The following SLC16A10 variants were observed in gnomAD, a reference collection of about 807,000 sequenced individuals.
SLC16A10 encodes solute carrier family 16 member 10, also known as monocarboxylate transporter 10.
SLC16A10 carries 27 observed loss-of-function variants against 40.0 expected under a neutral mutation model. The ratio of observed to expected loss-of-function variants is 0.67; its 90% confidence interval spans 0.50 to 0.93. SLC16A10 has a LOEUF of 0.93. Ranked by LOEUF, SLC16A10 falls within the 40% of genes least tolerant of loss-of-function variation. The pLI, the probability that SLC16A10 is intolerant of heterozygous loss-of-function variation, is 0.00. For missense variants in SLC16A10, 529 were observed against 658.2 expected (o/e 0.80, Z 2.15); for synonymous variants, 213 against 249.8 (o/e 0.85, Z 1.39).
rs1198167895 is a variant in SLC16A10 at position 111,197,016 on chromosome 6, A to G, written c.943-9576A>G. Among the ~76,000 whole-genome samples the G allele has an allele frequency of 3.3e-5, 5 of 152,334 alleles. No individual in the cohort carries two copies. In the East Asian group the frequency reaches 9.6e-4, roughly 29 times the overall value. On this transcript the variant is annotated intron_variant, in intron 3 of 5. Transcript: ENST00000368851. ...ATAAGAAAAGGAGCAGTTGGGATAG[A>G]CAATATCAGAAGTATGTGGAAATGA...
intron 1 of SLC16A10, among the ~76,000 whole-genome samples, chr6:111,115,790 C>G (rs950637193): frequency 6.8e-6 from 1 of 147,096 alleles, no homozygotes; most frequent in Non-Finnish European, 1.5e-5. Flanking sequence ...AGCTAACAAA[C>G]TTTTTTTTTT....
intron 3 of SLC16A10, among the ~76,000 whole-genome samples, chr6:111,183,172 G>A (rs1339004831): frequency 2.0e-5 from 3 of 152,058 alleles, no homozygotes; most frequent in East Asian, 3.8e-4. Context: ...AGCTTCCATC[G>A]CTGTCCCTTG....
intron 3 of SLC16A10, among the ~76,000 whole-genome samples, chr6:111,182,541 G>A (rs1438599203): frequency 6.6e-6 from 1 of 151,704 alleles, no homozygotes; most frequent in Non-Finnish European, 1.5e-5. Flanking sequence ...AGTCTCCTAA[G>A]TTCATACATC....
chr6:111,146,585 A>G (rs1219295160), intron 1 of SLC16A10, among the ~76,000 whole-genome samples: 1 of 150,986 alleles, frequency 6.6e-6, no homozygotes, highest in Non-Finnish European at 1.5e-5. Context: ...AAATACAAAA[A>G]ATTAGCTGGG....
At chr6:111,181,788 A>T (rs1333078827) in intron 3 of SLC16A10, among the ~76,000 whole-genome samples, 2 of 152,190 alleles carry the variant, frequency 1.3e-5, no homozygotes, top group African/African-American at 2.4e-5. Context: ...GCCTCCTCGA[A>T]GCTAAATTTA....
chr6:111,088,383 A>T (rs149048994), intron 1 of SLC16A10, among the ~76,000 whole-genome samples: 7 of 152,356 alleles, frequency 4.6e-5, no homozygotes, highest in African/African-American at 1.4e-4. Context: ...GCAGACGCTA[A>T]CAGTCCACAG....
intron 1 of SLC16A10, among the ~76,000 whole-genome samples, chr6:111,129,157 A>T (rs902289394): frequency 1.3e-5 from 2 of 152,248 alleles, no homozygotes; most frequent in African/African-American, 4.8e-5. Flanking sequence ...GATTGGAATG[A>T]TGCCTACCAG....
chr6:111,129,595 GT>G (rs1364456638), intron 1 of SLC16A10, among the ~76,000 whole-genome samples: 1 of 152,166 alleles, frequency 6.6e-6, no homozygotes, highest in Non-Finnish European at 1.5e-5. Context: ...ACTCAAAGTG[GT>G]TTTTAAGTTT....
chr6:111,203,509 T>A (rs1773205156), intron 3 of SLC16A10, among the ~76,000 whole-genome samples: 1 of 151,894 alleles, frequency 6.6e-6, no homozygotes, highest in African/African-American at 2.4e-5. Flanking sequence ...TCACTTGAGG[T>A]CAGGAGTTTT....
At chr6:111,115,181 T>C (rs1771463150) in intron 1 of SLC16A10, among the ~76,000 whole-genome samples, 1 of 152,138 alleles carries the variant, frequency 6.6e-6, no homozygotes, top group African/African-American at 2.4e-5. Flanking sequence ...GTATCATGTA[T>C]TATCTTAGTA....
chr6:111,118,885 G>T (rs558040062), intron 1 of SLC16A10, among the ~76,000 whole-genome samples: 2 of 152,110 alleles, frequency 1.3e-5, no homozygotes, highest in Non-Finnish European at 2.9e-5. Context: ...AGAAGATTTT[G>T]CAGGATCCTC....
In SLC16A10 at chr6:111,230,756, A is replaced by G. The variant is rs891449970; in HGVS notation, c.*8521A>G. 1.3e-5 allele frequency: 2 copies of G among 152,218 alleles called. No individual in the cohort carries two copies. Among genetic ancestry groups the G allele is most frequent in the African/African-American group, 2.4e-5 (1 of 41,454 alleles). The allele number at this position is 152,218 out of a possible 1,614,324, so 9.4% of individuals were successfully genotyped here. On this transcript the variant is annotated 3_prime_UTR_variant, in exon 6 of 6. Coordinates refer to ENST00000368851, the MANE Select transcript of SLC16A10 (RefSeq NM_018593.5). Reference sequence around the variant, plus strand: ...CTCCTAGTATAATATGACATTGTTCATGTGGACTTATTTTAATGTTTATTT... The same window carrying G: ...CTCCTAGTATAATATGACATTGTTCGTGTGGACTTATTTTAATGTTTATTT...
rs761589705 is a variant in SLC16A10 at position 111,087,529 on chromosome 6, G to A, written c.-224G>A. 7 of 196,202 alleles carry A rather than the reference G, an allele frequency of 3.6e-5. No homozygotes were observed. The highest frequency in any genetic ancestry group is 6.1e-5 in the Non-Finnish European group (6 of 98,102). The allele number at this position is 196,202 out of a possible 1,614,324, so 12.2% of individuals were successfully genotyped here. A position where few individuals can be genotyped will look rare whatever the true frequency, so the allele number is the denominator to read the frequency against. On this transcript the variant is annotated 5_prime_UTR_variant, in exon 1 of 6. Coordinates refer to ENST00000368851, the MANE Select transcript of SLC16A10 (RefSeq NM_018593.5). ...GTCGGGGGTGCGGGGCTGTGACCTAGAGGCTTCAGTGTCGATCCCCGAGGT... is the reference window on the plus strand; with the variant it reads ...GTCGGGGGTGCGGGGCTGTGACCTAAAGGCTTCAGTGTCGATCCCCGAGGT...
At position 111,221,988 on chromosome 6, in the gene SLC16A10, T is replaced by G. The variant is rs1245720839; in HGVS notation, c.1316-15T>G. 1 of 1,592,920 alleles carries G rather than the reference T, an allele frequency of 6.3e-7. No individual in the cohort carries two copies. Among genetic ancestry groups the G allele is most frequent in the Non-Finnish European group, 8.5e-7 (1 of 1,174,102 alleles). On this transcript the variant is annotated splice_polypyrimidine_tract_variant and intron_variant, in intron 5 of 5. Coordinates refer to ENST00000368851, the MANE Select transcript of SLC16A10 (RefSeq NM_018593.5). The stretch of plus-strand genomic sequence containing the variant: ...ACACTTGTTCTCCCTTGGTGACAGC[T>G]TTTTCCCTTCTCAGGGTTACTTCGT...
At chr6:111,221,897 A>G (rs1025045206) in intron 5 of SLC16A10, 106 bp from the exon 6 acceptor site, 64 of 1,080,218 alleles carry the variant, frequency 5.9e-5, no homozygotes, top group Admixed American at 2.8e-4. Context: ...CCTAAAAAAA[A>G]AAAAAAGTCT....
At chr6:111,178,442 T>C (rs745506316) in intron 3 of SLC16A10, 2 of 531,564 alleles carry the variant, frequency 3.8e-6, no homozygotes, top group Non-Finnish European at 7.7e-6. Context: ...GAATAATTAA[T>C]GTCTAGACTG....
intron 1 of SLC16A10, among the ~76,000 whole-genome samples, chr6:111,158,969 C>T (rs926915714): frequency 3.6e-5 from 5 of 139,240 alleles, no homozygotes; most frequent in African/African-American, 1.1e-4. Context: ...TCTAGCTACT[C>T]GGGAGCCTGA....
In SLC16A10 at chr6:111,228,336, GACTC is replaced by G; in HGVS notation, c.*6105_*6108del. 1 of 152,178 alleles carries G rather than the reference GACTC, an allele frequency of 6.6e-6. No individual in the cohort carries two copies. 9.4% of individuals were successfully genotyped at this position (152,178 alleles called of 1,614,324 possible). A position where few individuals can be genotyped will look rare whatever the true frequency, so the allele number is the denominator to read the frequency against. On this transcript the variant is annotated 3_prime_UTR_variant, in exon 6 of 6. Transcript: ENST00000368851. Reference sequence around the variant, plus strand: ...ACAAGGACTGGGACAATGAATTTTTGACTCACTGGAGTTTTTTAAAATGCTGTTC... The same window carrying G: ...ACAAGGACTGGGACAATGAATTTTTGACTGGAGTTTTTTAAAATGCTGTTC...
At chr6:111,202,132 G>A (rs989209716) in intron 3 of SLC16A10, among the ~76,000 whole-genome samples, 4 of 152,220 alleles carry the variant, frequency 2.6e-5, no homozygotes, top group Non-Finnish European at 4.4e-5. Flanking sequence ...GGATCTGTCT[G>A]TGGGCTCTAG....
Sources: gnomAD v4.1 joint callset for allele counts (sites outside exome capture counted in the v4.1 genomes callset) on GRCh38, gnomAD v4.1.1 for gene constraint, MANE v1.5 for transcripts, NCBI Gene and HGNC (gene_info 2026-07-23, HGNC 2026-07-21) for gene names.